Variants in NPHP4 observed in about 807,000 individuals in gnomAD.
The protein encoded by NPHP4 is nephrocystin 4, also known as nephrocystin-4.
In NPHP4, 151 loss-of-function variants were observed where a neutral mutation model predicts 155.8. That is an observed-to-expected ratio of 0.97 (90% confidence interval 0.85 to 1.11). The LOEUF (loss-of-function observed/expected upper bound fraction) is 1.11, where lower values mean the gene tolerates loss of function less well. Among genes scored for constraint, NPHP4 ranks in the 50% least tolerant of loss-of-function variants. The pLI is 0.00. For synonymous variants in NPHP4, 845 were observed against 816.8 expected (o/e 1.03, Z -0.59); for missense variants, 1,956 against 1,925.7 (o/e 1.02, Z -0.29).
chr1:5,932,290 A>G (rs987749803), intron 10 of NPHP4, among the ~76,000 whole-genome samples: 7 of 152,218 alleles, frequency 4.6e-5, no homozygotes, highest in African/African-American at 9.7e-5. Flanking sequence ...ATGCAATGCT[A>G]TTTGACAGTA....
chr1:5,918,696 T>C (rs550142602), intron 11 of NPHP4, among the ~76,000 whole-genome samples: 1 of 152,342 alleles, frequency 6.6e-6, no homozygotes, highest in African/African-American at 2.4e-5. Context: ...GCATACTGAA[T>C]GTTTAAATTA....
At chr1:5,878,127 C>T (rs899083556) in intron 19 of NPHP4, among the ~76,000 whole-genome samples, 1 of 152,222 alleles carries the variant, frequency 6.6e-6, no homozygotes, top group African/African-American at 2.4e-5. Context: ...TCCTTCCTCA[C>T]TCTCTGGCAC....
intron 23 of NPHP4, chr1:5,868,128 C>A: frequency 6.1e-6 from 4 of 660,022 alleles, no homozygotes; most frequent in Non-Finnish European, 1.1e-5. Flanking sequence ...CACAGGGCAC[C>A]CAAGCAGCCA....
chr1:5,928,831 G>C (rs575107702), intron 10 of NPHP4, among the ~76,000 whole-genome samples: 1 of 152,134 alleles, frequency 6.6e-6, no homozygotes, highest in Non-Finnish European at 1.5e-5. Context: ...CTGAGATTTT[G>C]ACTGAAACTG....
chr1:5,905,067 T>C lies in NPHP4; in HGVS notation c.1955+225A>G, dbSNP rs1243363878. Among the ~76,000 whole-genome samples the C allele has an allele frequency of 2.0e-5, 3 of 152,224 alleles. No individual in the cohort carries two copies. Among genetic ancestry groups the C allele is most frequent in the South Asian group, 4.1e-4 (2 of 4,820 alleles). On this transcript the variant is annotated intron_variant, in intron 15 of 29. Transcript: ENST00000378156. This position sits in a 1 kb window ranked among gnomAD's most constrained non-coding sequence, Gnocchi z 4.0. The stretch of plus-strand genomic sequence containing the variant: ...GATCTAAGACCTGGACAACCCACCG[T>C]CCACATTTTAATGAAGGACCACAAA...
At chr1:5,935,497 G>A (rs1646491486) in intron 9 of NPHP4, among the ~76,000 whole-genome samples, 1 of 152,232 alleles carries the variant, frequency 6.6e-6, no homozygotes. Context: ...TCCCCATCCA[G>A]TTAGCTGACA....
chr1:5,945,932 G>T (rs115442234), intron 9 of NPHP4, among the ~76,000 whole-genome samples: 2 of 151,944 alleles, frequency 1.3e-5, no homozygotes, highest in Non-Finnish European at 2.9e-5. Context: ...TCATCCCTCC[G>T]TCCCGCATAT....
At chr1:5,957,111 G>T (rs1249077950) in intron 6 of NPHP4, among the ~76,000 whole-genome samples, 1 of 152,142 alleles carries the variant, frequency 6.6e-6, no homozygotes, top group Non-Finnish European at 1.5e-5. Context: ...TGCAGCAGAG[G>T]CGTTCTGCCC....
intron 11 of NPHP4, among the ~76,000 whole-genome samples, chr1:5,913,617 C>G (rs577140953): frequency 6.6e-6 from 1 of 152,360 alleles, no homozygotes; most frequent in South Asian, 2.1e-4. Context: ...CGCATCCCAC[C>G]TGGTCACTGC....
intron 6 of NPHP4, among the ~76,000 whole-genome samples, chr1:5,959,059 G>A (rs538670481): frequency 1.0e-3 from 151 of 151,672 alleles, no homozygotes; most frequent in African/African-American, 3.5e-3. Flanking sequence ...GGGGGCGGCA[G>A]GTGTTGCTGA....
intron 16 of NPHP4, among the ~76,000 whole-genome samples, chr1:5,903,365 T>G (rs1402515983): frequency 1.3e-5 from 2 of 152,216 alleles, no homozygotes; most frequent in African/African-American, 4.8e-5. Flanking sequence ...ATTTGCTTTG[T>G]GTCTCTGCTG....
At chr1:5,911,345 G>C (rs966776489) in intron 11 of NPHP4, among the ~76,000 whole-genome samples, 1 of 152,158 alleles carries the variant, frequency 6.6e-6, no homozygotes, top group Admixed American at 6.5e-5. Context: ...TCCGTAAATG[G>C]GAACTCGGAA....
chr1:5,908,807 G>A (rs182300192), intron 12 of NPHP4, among the ~76,000 whole-genome samples: 1 of 152,366 alleles, frequency 6.6e-6, no homozygotes, highest in East Asian at 1.9e-4. Flanking sequence ...GGAGAGCAAA[G>A]AGGGTGAGGA....
At chr1:5,874,079 C>T (rs146823072) in intron 22 of NPHP4, among the ~76,000 whole-genome samples, 6 of 152,158 alleles carry the variant, frequency 3.9e-5, no homozygotes, top group South Asian at 2.1e-4. Context: ...GCATGCTCCC[C>T]GCACACATGC....
chr1:5,927,891 G>A lies in NPHP4; in HGVS notation c.1303-104C>T. On this transcript the variant is annotated intron_variant, in intron 10 of 29. Transcript: ENST00000378156. Reference sequence around the variant, plus strand: ...GGCTCTGCCCTAAAACAAAGTCTACGTGAAATCAGAGGCTTCTTGATGCCA... The same window carrying A: ...GGCTCTGCCCTAAAACAAAGTCTACATGAAATCAGAGGCTTCTTGATGCCA... 4.0e-6 allele frequency: 5 copies of A among 1,255,684 alleles called. No individual in the cohort carries two copies. The East Asian group carries it at 7.1e-5, about 18-fold the overall frequency. The allele number at this position is 1,255,684 out of a possible 1,614,324, so 77.8% of individuals were successfully genotyped here.
chr1:5,988,418 C>T (rs532387927), intron 1 of NPHP4, among the ~76,000 whole-genome samples: 2 of 152,276 alleles, frequency 1.3e-5, no homozygotes, highest in East Asian at 3.9e-4. Context: ...TGCAAGAATG[C>T]AAAAGAATCC....
chr1:5,874,795 C>A lies in NPHP4; in HGVS notation c.3044+79G>T, dbSNP rs575174003. 2.6e-6 allele frequency: 4 copies of A among 1,542,556 alleles called. No homozygotes were observed. The South Asian group carries it at 4.5e-5, about 17-fold the overall frequency. ...ATCGCCCCGGCTCTCGGGCAGAATT[C>A]GAGCCAGCTCAGCAGGGGTGCCGGC... On this transcript the variant is annotated intron_variant, in intron 21 of 29. Transcript: ENST00000378156.
chr1:5,980,667 C>T lies in NPHP4; in HGVS notation c.136-2254G>A, dbSNP rs1570747064. Among the ~76,000 whole-genome samples, 4 of 152,122 alleles carry T rather than the reference C, an allele frequency of 2.6e-5. No homozygotes were observed. The East Asian group carries it at 7.8e-4, about 30-fold the overall frequency. On this transcript the variant is annotated intron_variant, in intron 2 of 29. Transcript: ENST00000378156. ...CTCTGCTGCTTTGCAGGAGTGGCTG[C>T]GTGGTCATGAAGGGAGAAAAGTGGG...
At chr1:5,935,909 A>C (rs1465278966) in intron 9 of NPHP4, among the ~76,000 whole-genome samples, 1 of 152,220 alleles carries the variant, frequency 6.6e-6, no homozygotes, top group Non-Finnish European at 1.5e-5. Context: ...TAAATGTATT[A>C]GGAAAACTTG....
Sources: gnomAD v4.1 joint callset for allele counts (sites outside exome capture counted in the v4.1 genomes callset) on GRCh38, gnomAD v4.1.1 for gene constraint, Gnocchi (gnomAD v3.1) non-coding constraint, MANE v1.5 for transcripts, NCBI Gene and HGNC (gene_info 2026-07-23, HGNC 2026-07-21) for gene names.